Variants in SLC4A10 observed in about 807,000 individuals in gnomAD.
The protein encoded by SLC4A10 is sodium-driven chloride bicarbonate exchanger.
A neutral mutation model predicts 137.7 loss-of-function variants in SLC4A10; 42 were observed. The observed-to-expected ratio is 0.30, with a 90% CI of 0.24 to 0.39. The LOEUF (loss-of-function observed/expected upper bound fraction) is 0.39, where lower values mean the gene tolerates loss of function less well. SLC4A10 is among the 10% of genes least tolerant of loss of function. SLC4A10 has a pLI of 1.00. For missense variants in SLC4A10, 925 were observed against 1,355.0 expected, an observed-to-expected ratio of 0.68 and a Z score of 4.98; for synonymous variants, 474 against 464.1, an observed-to-expected ratio of 1.02 and a Z score of -0.27.
At chr2:161,650,820 G>A (rs1307435319) in intron 1 of SLC4A10, among the ~76,000 whole-genome samples, 1 of 152,168 alleles carries the variant, frequency 6.6e-6, no homozygotes, top group Non-Finnish European at 1.5e-5. Flanking sequence ...TGGGGGCTGG[G>A]AGCAGCTAGG....
intron 2 of SLC4A10, among the ~76,000 whole-genome samples, chr2:161,799,968 T>A (rs1004450384): frequency 6.6e-6 from 1 of 151,998 alleles, no homozygotes; most frequent in Admixed American, 6.6e-5. Context: ...AGAAAGTTTA[T>A]CTCCGTTATA....
chr2:161,965,190 T>C lies in SLC4A10; in HGVS notation c.3159+17T>C. On this transcript the variant is annotated intron_variant, in intron 23 of 26. Coordinates refer to ENST00000446997, the MANE Select transcript of SLC4A10 (RefSeq NM_001178015.2). ...GAAAAAGAAGTAAGAGCAAAATCAA[T>C]GTTTTATAAAGAAAGAAAAAAGGAA... 1.9e-6 allele frequency: 3 copies of C among 1,592,366 alleles called. 1 individual carries two copies.
rs1225846275 is a variant in SLC4A10 at position 161,906,700 on chromosome 2, G to A, written c.1997+813G>A. Among the ~76,000 whole-genome samples, 3 of 152,098 alleles carry A rather than the reference G, an allele frequency of 2.0e-5. No individual in the cohort carries two copies. In the East Asian group the frequency reaches 5.8e-4, roughly 29 times the overall value. ...TTTCCCTATAAACTGCTTAGATATGGCCTTGAACCCTTTTAATATTTTTTA... is the reference window on the plus strand; with the variant it reads ...TTTCCCTATAAACTGCTTAGATATGACCTTGAACCCTTTTAATATTTTTTA... On this transcript the variant is annotated intron_variant, in intron 15 of 26. Transcript: ENST00000446997.
intron 10 of SLC4A10, among the ~76,000 whole-genome samples, chr2:161,889,756 G>T (rs1353990977): frequency 2.0e-5 from 3 of 151,850 alleles, no homozygotes; most frequent in Non-Finnish European, 4.4e-5. Context: ...TGATTTTTTT[G>T]AAGGGTTTTT....
chr2:161,717,109 G>A (rs1055267356), intron 1 of SLC4A10, among the ~76,000 whole-genome samples: 8 of 152,028 alleles, frequency 5.3e-5, no homozygotes, highest in African/African-American at 1.9e-4. Flanking sequence ...GTCTGTTGTT[G>A]GTGTATAGGA....
intron 1 of SLC4A10, among the ~76,000 whole-genome samples, chr2:161,711,006 T>C (rs1335623069): frequency 6.6e-6 from 1 of 151,860 alleles, no homozygotes; most frequent in Non-Finnish European, 1.5e-5. Flanking sequence ...AGGAGTTACA[T>C]GTAACCTTTT....
rs779161996 is a variant in SLC4A10, at chr2:161,894,734, T to C, written c.1250T>C (p.Ile417Thr). Reference sequence around the variant, plus strand: ...GATCGTAATGACTTGGTATCAGGAATTGATGAGTTTCTGGATCAGGTTACT... The same window carrying C: ...GATCGTAATGACTTGGTATCAGGAACTGATGAGTTTCTGGATCAGGTTACT... ...AKDRNDLVSGIDEFLDQVTVL... is the reference protein window; with the variant it reads ...AKDRNDLVSGTDEFLDQVTVL... The change falls in exon 11 of 27, where the codon ATT (isoleucine) becomes ACT (threonine). Residue 417 changes from isoleucine (I) to threonine (T), a missense_variant. Ile to Thr is a moderately conservative substitution (Grantham distance 89). Around this residue, in one of 11 missense-constraint regions of SLC4A10, gnomAD observed 15 missense variants for 49.1 expected, o/e 0.31. Coordinates refer to ENST00000446997, the MANE Select transcript of SLC4A10 (RefSeq NM_001178015.2). 2.0e-5 allele frequency: 29 copies of C among 1,447,810 alleles called. No homozygotes were observed. Among genetic ancestry groups the C allele is most frequent in the Middle Eastern group, 3.6e-4 (2 of 5,492 alleles). The allele number at this position is 1,447,810 out of a possible 1,614,324, so 89.7% of individuals were successfully genotyped here. A position where few individuals can be genotyped will look rare whatever the true frequency, so the allele number is the denominator to read the frequency against.
chr2:161,813,435 A>G (rs1022902808), intron 3 of SLC4A10, among the ~76,000 whole-genome samples: 1 of 152,146 alleles, frequency 6.6e-6, no homozygotes, highest in Non-Finnish European at 1.5e-5. Context: ...CTGCACCACC[A>G]TGATAAAGAA....
At chr2:161,757,969 A>C (rs1020906252) in intron 1 of SLC4A10, among the ~76,000 whole-genome samples, 1 of 152,094 alleles carries the variant, frequency 6.6e-6, no homozygotes, top group Non-Finnish European at 1.5e-5. Flanking sequence ...TTATTAATCA[A>C]GAATCCTACG....
chr2:161,644,492 A>AAACAAAAAC (rs56167454), intron 1 of SLC4A10, among the ~76,000 whole-genome samples: 137,525 of 151,908 alleles, frequency 0.91, 62,361 homozygotes, highest in East Asian at 1. Flanking sequence ...TCAAAAACAA[A>AAACAAAAAC]AAACTAGTAA....
chr2:161,633,024 A>G (rs7557876), intron 1 of SLC4A10, among the ~76,000 whole-genome samples: 117,170 of 151,234 alleles, frequency 0.77, 46,024 homozygotes, highest in East Asian at 0.86. Flanking sequence ...GATGATTTCA[A>G]TATATGATGG....
At chr2:161,742,468 G>A (rs1231384782) in intron 1 of SLC4A10, among the ~76,000 whole-genome samples, 2 of 117,720 alleles carry the variant, frequency 1.7e-5, no homozygotes, top group Non-Finnish European at 3.3e-5. Flanking sequence ...TTGAGACTGA[G>A]TCTCGCACTG....
chr2:161,889,123 A>G (rs1394171077), intron 10 of SLC4A10, among the ~76,000 whole-genome samples: 3 of 152,206 alleles, frequency 2.0e-5, no homozygotes, highest in Non-Finnish European at 4.4e-5. Context: ...CTTGCATCCC[A>G]GGGATGAACG....
chr2:161,787,073 C>G (rs115796866), intron 2 of SLC4A10, among the ~76,000 whole-genome samples: 4 of 151,900 alleles, frequency 2.6e-5, no homozygotes, highest in Admixed American at 6.6e-5. Context: ...TTTTTCCCCA[C>G]GTTTACAACA....
chr2:161,890,759 G>T (rs2062829285), intron 10 of SLC4A10, among the ~76,000 whole-genome samples: 1 of 152,154 alleles, frequency 6.6e-6, no homozygotes, highest in Non-Finnish European at 1.5e-5. Flanking sequence ...GCCAGTCTGT[G>T]TCCTTTAATT....
chr2:161,832,409 AAG>A, intron 3 of SLC4A10, among the ~76,000 whole-genome samples: 1 of 152,310 alleles, frequency 6.6e-6, no homozygotes, highest in East Asian at 1.9e-4. Flanking sequence ...CTTTTGGAAA[AAG>A]AAGGATGATG....
intron 1 of SLC4A10, among the ~76,000 whole-genome samples, chr2:161,686,616 A>G (rs1216321820): frequency 6.6e-6 from 1 of 152,212 alleles, no homozygotes; most frequent in African/African-American, 2.4e-5. Context: ...TATAGGAGTT[A>G]TATTACAACA....
At position 161,863,034 on chromosome 2, in the gene SLC4A10, G is replaced by A. The variant is rs1391676274; in HGVS notation, c.738G>A (p.Gln246=). 6.2e-7 allele frequency: 1 copy of A among 1,613,764 alleles called. No homozygotes were observed. Among genetic ancestry groups the A allele is most frequent in the Non-Finnish European group, 8.5e-7 (1 of 1,179,834 alleles). ...CCTTTGCTGATATTGGCAAGAAACA[G>A]TCAGAACCAAATTCCATGGACAAAA... ...VRSFADIGKK[Q]SEPNSMDKNA... is the part of the protein sequence containing the mutation. Residue 246 remains glutamine, a synonymous_variant, in exon 6 of 27, where the codon CAG becomes CAA. Coordinates refer to ENST00000446997, the MANE Select transcript of SLC4A10 (RefSeq NM_001178015.2).
chr2:161,977,375 C>T (rs1397149779), intron 25 of SLC4A10: 1 of 462,132 alleles, frequency 2.2e-6, no homozygotes, highest in East Asian at 6.3e-5. Context: ...CCTGAAAGTT[C>T]TATCCATTCT....
Sources: allele counts gnomAD v4.1 joint callset (sites outside exome capture counted in the v4.1 genomes callset), GRCh38; gene constraint gnomAD v4.1.1; regional missense constraint gnomAD v4.1.1; transcripts MANE v1.5; gene names NCBI Gene and HGNC (gene_info 2026-07-23, HGNC 2026-07-21).